Variants in SDHA observed in about 807,000 individuals in gnomAD.
SDHA encodes the protein succinate dehydrogenase [ubiquinone] flavoprotein subunit, mitochondrial.
In SDHA, 48 loss-of-function variants were observed where a neutral mutation model predicts 78.4. That is an observed-to-expected ratio of 0.61 (90% CI 0.49 to 0.78). The LOEUF (loss-of-function observed/expected upper bound fraction) is 0.78, where lower values mean the gene tolerates loss of function less well. Among genes scored for constraint, SDHA ranks in the 30% least tolerant of loss-of-function variants. The pLI, the probability that SDHA is intolerant of heterozygous loss-of-function variation, is 0.00. For missense variants in SDHA, 680 were observed against 892.7 expected (o/e 0.76, Z 3.04); for synonymous variants, 326 against 353.9 (o/e 0.92, Z 0.88).
At chr5:242,207 C>A (rs1395358365) in intron 11 of SDHA, among the ~76,000 whole-genome samples, 1 of 152,140 alleles carries the variant, frequency 6.6e-6, no homozygotes, top group Non-Finnish European at 1.5e-5. Flanking sequence ...TGGGAACAGG[C>A]CCCCAAATGT....
intron 11 of SDHA, among the ~76,000 whole-genome samples, chr5:242,937 G>A (rs1312976947): frequency 6.6e-6 from 1 of 152,206 alleles, no homozygotes; most frequent in African/African-American, 2.4e-5. Context: ...AAGCGGCAAA[G>A]GAGGGAGAGG....
chr5:239,578 T>A (rs1324934926), intron 10 of SDHA, among the ~76,000 whole-genome samples: 1 of 150,452 alleles, frequency 6.6e-6, no homozygotes, highest in Non-Finnish European at 1.5e-5. Flanking sequence ...AAAAAATTGC[T>A]AATCTTGAAG....
In SDHA at chr5:251,530, C is replaced by T. The variant is rs544057955; in HGVS notation, c.1794+62C>T. The T allele has an allele frequency of 2.9e-4, 464 of 1,611,798 alleles. 6 individuals carry two copies. The South Asian group carries it at 4.7e-3, about 16-fold the overall frequency. ...TTCCTGCCACCTGGTGGGACTCAGC[C>T]CCACCCCTGCATTTTCTCTGCATTT... On this transcript the variant is annotated intron_variant, in intron 13 of 14. Transcript: ENST00000264932.
At chr5:230,778 A>T (rs1159287617) in intron 6 of SDHA, 98 bp from the exon 7 acceptor site, 1 of 1,516,394 alleles carries the variant, frequency 6.6e-7, no homozygotes, top group African/African-American at 1.4e-5. Context: ...CACTGAGAAG[A>T]CGGTGCTGGG....
In SDHA at chr5:256,781, C is replaced by T; in HGVS notation, c.*361C>T. The T allele has an allele frequency of 3.5e-6, 1 of 283,002 alleles. No homozygotes were observed. The highest frequency in any genetic ancestry group is 4.8e-5 in the Admixed American group (1 of 20,632). 17.5% of individuals were successfully genotyped at this position (283,002 alleles called of 1,614,324 possible). The stretch of plus-strand genomic sequence containing the variant: ...CAAATGTAATCTTTGTATTGTGTTA[C>T]ATCAAAATCCAGATATTTTGTATAG... On this transcript the variant is annotated 3_prime_UTR_variant, in exon 15 of 15. Coordinates refer to ENST00000264932, the MANE Select transcript of SDHA (RefSeq NM_004168.4).
chr5:240,958 G>A (rs1736102711), intron 11 of SDHA, among the ~76,000 whole-genome samples: 1 of 152,020 alleles, frequency 6.6e-6, no homozygotes, highest in South Asian at 2.1e-4. Context: ...TGACTTTGCT[G>A]TTGTGACTAG....
At chr5:229,114 A>AAG (rs56148860) in intron 6 of SDHA, among the ~76,000 whole-genome samples, 36,508 of 152,070 alleles carry the variant, frequency 0.24, 6,822 homozygotes, top group African/African-American at 0.52. Context: ...AAGAGGACAA[A>AAG]AGAGCAAGTG....
In SDHA at chr5:224,423, G is replaced by C; in HGVS notation, c.214G>C (p.Ala72Pro). Residue 72 changes from alanine to proline, a missense_variant, in exon 3 of 15, where the codon GCA becomes CCA. Ala to Pro is a conservative substitution (Grantham distance 27). Coordinates refer to ENST00000264932, the MANE Select transcript of SDHA (RefSeq NM_004168.4). ...FDAVVVGAGG[A>P]GLRAAFGLSE... is the part of the protein sequence containing the mutation. ...TGCAGTGGTGGTAGGCGCTGGAGGG[G>C]CAGGCTTGCGAGCTGCATTTGGCCT... 1 of 1,613,652 alleles carries C rather than the reference G, an allele frequency of 6.2e-7. No homozygotes were observed. The highest frequency in any genetic ancestry group is 2.2e-5 in the East Asian group (1 of 44,894).
At position 235,494 on chromosome 5, in the gene SDHA, C is replaced by T. The variant is rs570773555; in HGVS notation, c.1260+155C>T. On this transcript the variant is annotated intron_variant, in intron 9 of 14. Coordinates refer to ENST00000264932, the MANE Select transcript of SDHA (RefSeq NM_004168.4). ...TAGATTGCACTTTAAATTTCTATTA[C>T]CGGAGGATGGAGGGGGCTTAATAAT... is the stretch of plus-strand genomic sequence containing the variant. The T allele has an allele frequency of 2.5e-5, 19 of 771,622 alleles. No individual in the cohort carries two copies. The South Asian group carries it at 2.9e-4, about 12-fold the overall frequency. 47.8% of individuals were successfully genotyped at this position (771,622 alleles called of 1,614,324 possible).
chr5:234,922 A>G (rs554149268), intron 8 of SDHA: 144 of 609,568 alleles, frequency 2.4e-4, no homozygotes, highest in African/African-American at 1.7e-3. Context: ...TAGTGAGGGC[A>G]GAGTTTTTGT....
intron 11 of SDHA, among the ~76,000 whole-genome samples, chr5:240,743 C>T (rs1226963743): frequency 6.6e-6 from 1 of 152,160 alleles, no homozygotes; most frequent in Non-Finnish European, 1.5e-5. Context: ...GTGTACTCAC[C>T]ATTCAGCTTC....
chr5:230,634 T>C (rs1037959035), intron 6 of SDHA, among the ~76,000 whole-genome samples: 2 of 151,706 alleles, frequency 1.3e-5, no homozygotes, highest in Non-Finnish European at 2.9e-5. Flanking sequence ...TCAAAATAAA[T>C]AAATAAAATA....
intron 10 of SDHA, among the ~76,000 whole-genome samples, chr5:238,421 ATACATATAT>A (rs1735916215): frequency 6.6e-6 from 1 of 151,616 alleles, no homozygotes; most frequent in African/African-American, 2.4e-5. Context: ...GCAAAAAAAA[ATACATATAT>A]ATACACATAT....
chr5:234,984 G>A (rs1268894600), intron 8 of SDHA, 160 bp from the exon 9 acceptor site: 2 of 740,360 alleles, frequency 2.7e-6, no homozygotes, highest in East Asian at 2.7e-5. Flanking sequence ...GCACACAGTA[G>A]CTGCTTAGAA....
At chr5:262,270 G>T in the SDHA span, among the ~76,000 whole-genome samples, 1 of 131,674 alleles carries the variant, frequency 7.6e-6, no homozygotes, top group Admixed American at 7.3e-5. Flanking sequence ...GCATTACCGT[G>T]TGAGCTCCGC....
intron 4 of SDHA, 55 bp downstream of exon 4, chr5:225,617 T>G: frequency 6.2e-7 from 1 of 1,612,136 alleles, no homozygotes; most frequent in African/African-American, 1.3e-5. Context: ...TACAAAAGAA[T>G]CCTGGAAAAA....
chr5:241,202 C>G (rs769760158), intron 11 of SDHA, among the ~76,000 whole-genome samples: 16 of 152,136 alleles, frequency 1.1e-4, no homozygotes, highest in Non-Finnish European at 1.8e-4. Context: ...CGTGACCTGA[C>G]CATTGCTGGC....
chr5:256,728 CT>C lies in SDHA; in HGVS notation c.*311del, dbSNP rs1737224499. 1 of 375,966 alleles carries C rather than the reference CT, an allele frequency of 2.7e-6. No homozygotes were observed. The highest frequency in any genetic ancestry group is 2.0e-5 in the African/African-American group (1 of 48,832). The allele number at this position is 375,966 out of a possible 1,614,324, so 23.3% of individuals were successfully genotyped here. Reference sequence around the variant, plus strand: ...CATTTGAAATATTTTACTGTTGTGACTTTAGTCATATTTGTTGACCTAAAAA... The same window carrying C: ...CATTTGAAATATTTTACTGTTGTGACTTAGTCATATTTGTTGACCTAAAAA... On this transcript the variant is annotated 3_prime_UTR_variant, in exon 15 of 15. Transcript: ENST00000264932.
chr5:236,672 G>T, intron 10 of SDHA, 73 bp downstream of exon 10: 1 of 1,489,804 alleles, frequency 6.7e-7, no homozygotes, highest in South Asian at 1.1e-5. Context: ...TCTTTTTTTT[G>T]AGAAAGGGTC....
Sources: allele counts gnomAD v4.1 joint callset (sites outside exome capture counted in the v4.1 genomes callset), GRCh38; gene constraint gnomAD v4.1.1; transcripts MANE v1.5; gene names NCBI Gene and HGNC (gene_info 2026-07-23, HGNC 2026-07-21).